The following TNFSF13B variants were observed in gnomAD, a reference collection of about 807,000 sequenced individuals.
The protein encoded by TNFSF13B is TNF superfamily member 13b, also known as tumor necrosis factor ligand superfamily member 13B.
Under a neutral mutation model 29.1 loss-of-function variants are expected in TNFSF13B, and 8 were observed. That is an observed-to-expected ratio of 0.27 (90% CI 0.16 to 0.50). The LOEUF (loss-of-function observed/expected upper bound fraction) is 0.50, where lower values mean the gene tolerates loss of function less well. Ranked by LOEUF, TNFSF13B falls within the 20% of genes least tolerant of loss-of-function variation. The pLI, the probability that TNFSF13B is intolerant of heterozygous loss-of-function variation, is 0.98. For missense variants in TNFSF13B, 248 were observed against 334.9 expected (o/e 0.74, Z 2.03); for synonymous variants, 125 against 130.8 (o/e 0.96, Z 0.30).
chr13:108,305,483 A>T (rs2139072397), intron 5 of TNFSF13B, among the ~76,000 whole-genome samples: 1 of 152,264 alleles, frequency 6.6e-6, no homozygotes, highest in Non-Finnish European at 1.5e-5. Flanking sequence ...GTTCACACCC[A>T]CCTAATCCTT....
intron 3 of TNFSF13B, among the ~76,000 whole-genome samples, chr13:108,291,466 A>G (rs1369887132): frequency 6.6e-6 from 1 of 151,898 alleles, no homozygotes; most frequent in African/African-American, 2.4e-5. Context: ...ATCATTACAA[A>G]GTGTTTTACC....
At chr13:108,298,340 T>C (rs1881513311) in intron 3 of TNFSF13B, among the ~76,000 whole-genome samples, 1 of 145,392 alleles carries the variant, frequency 6.9e-6, no homozygotes, top group Non-Finnish European at 1.5e-5. Flanking sequence ...CAGGATACAT[T>C]AAACTGATGA....
rs148456582 is a variant in TNFSF13B at position 108,284,356 on chromosome 13, G to A, written c.425-2447G>A. 4.7e-3 allele frequency among the ~76,000 whole-genome samples: 510 copies of A among 107,982 alleles called. 2 individuals carry two copies. Among genetic ancestry groups the A allele is most frequent in the African/African-American group, 0.011 (419 of 37,310 alleles). The allele number at this position is 107,982 out of a possible 152,430, so 70.8% of individuals were successfully genotyped here. On this transcript the variant is annotated intron_variant, in intron 2 of 5. Coordinates refer to ENST00000375887, the MANE Select transcript of TNFSF13B (RefSeq NM_006573.5). ...AAAATAAATAAATAAATAAATAAAT[G>A]AATAAATAAACAAACAAACAAACAA... is the stretch of plus-strand genomic sequence containing the variant.
At chr13:108,284,363 T>C (rs112584262) in intron 2 of TNFSF13B, among the ~76,000 whole-genome samples, 2,891 of 89,704 alleles carry the variant, frequency 0.032, 42 homozygotes, top group Middle Eastern at 0.047. Flanking sequence ...AATGAATAAA[T>C]AAACAAACAA....
intron 2 of TNFSF13B, among the ~76,000 whole-genome samples, chr13:108,276,544 A>G (rs1033294547): frequency 6.6e-6 from 1 of 152,200 alleles, no homozygotes; most frequent in Non-Finnish European, 1.5e-5. Context: ...AGTTGAAGAG[A>G]AACAGAAAAA....
chr13:108,282,520 A>T (rs1182778674), intron 2 of TNFSF13B, among the ~76,000 whole-genome samples: 1 of 152,186 alleles, frequency 6.6e-6, no homozygotes, highest in Non-Finnish European at 1.5e-5. Context: ...TATGGTTAGT[A>T]TTTAAATTAC....
chr13:108,271,101 G>T (rs74756604), intron 2 of TNFSF13B, among the ~76,000 whole-genome samples: 3,018 of 151,900 alleles, frequency 0.02, 58 homozygotes, highest in Middle Eastern at 0.031. Context: ...CTCATTCCAC[G>T]GAACTTTACA....
chr13:108,283,588 T>C (rs1881025391), intron 2 of TNFSF13B, among the ~76,000 whole-genome samples: 2 of 152,334 alleles, frequency 1.3e-5, no homozygotes, highest in East Asian at 3.9e-4. Context: ...TCATTACTTA[T>C]TAGGTAAACT....
chr13:108,301,721 G>A (rs1009851138), intron 3 of TNFSF13B, among the ~76,000 whole-genome samples: 1 of 152,070 alleles, frequency 6.6e-6, no homozygotes, highest in East Asian at 1.9e-4. Flanking sequence ...AAGAGATCTC[G>A]TGTACAACAT....
chr13:108,290,499 G>T (rs1881273737), intron 3 of TNFSF13B, among the ~76,000 whole-genome samples: 1 of 151,958 alleles, frequency 6.6e-6, no homozygotes, highest in South Asian at 2.1e-4. Context: ...CTCTTAATTT[G>T]CTTTCTTTCA....
chr13:108,279,603 T>C (rs1880874492), intron 2 of TNFSF13B, among the ~76,000 whole-genome samples: 1 of 152,164 alleles, frequency 6.6e-6, no homozygotes, highest in Admixed American at 6.5e-5. Context: ...GGAACTGTTT[T>C]GTATTCCAGG....
chr13:108,288,772 G>A (rs769621687), intron 3 of TNFSF13B, among the ~76,000 whole-genome samples: 7 of 152,164 alleles, frequency 4.6e-5, no homozygotes, highest in Non-Finnish European at 7.3e-5. Context: ...GCTGTGGAGG[G>A]CAGCAAAGCA....
intron 2 of TNFSF13B, among the ~76,000 whole-genome samples, chr13:108,279,583 G>A (rs1256279385): frequency 2.6e-5 from 4 of 152,142 alleles, no homozygotes; most frequent in Non-Finnish European, 5.9e-5. Flanking sequence ...TGGCTGGGCC[G>A]GGGCATGGAG....
At chr13:108,294,138 T>A (rs1202209413) in intron 3 of TNFSF13B, among the ~76,000 whole-genome samples, 2 of 152,086 alleles carry the variant, frequency 1.3e-5, no homozygotes, top group Non-Finnish European at 2.9e-5. Flanking sequence ...GAAACTTAAC[T>A]GAATTCATTG....
At chr13:108,306,650 C>T (rs1157822618) in intron 5 of TNFSF13B, among the ~76,000 whole-genome samples, 176 bp from the exon 6 acceptor site, 2 of 151,472 alleles carry the variant, frequency 1.3e-5, no homozygotes, top group African/African-American at 2.4e-5. Context: ...CTTATTTCTT[C>T]TAAATTTTTT....
chr13:108,283,199 G>A (rs929670376), intron 2 of TNFSF13B, among the ~76,000 whole-genome samples: 1 of 152,194 alleles, frequency 6.6e-6, no homozygotes, highest in Non-Finnish European at 1.5e-5. Flanking sequence ...AGCTGAAATA[G>A]TTGAAATTCG....
chr13:108,287,037 G>A (rs569426248), intron 3 of TNFSF13B, among the ~76,000 whole-genome samples, 178 bp downstream of exon 3: 7 of 147,004 alleles, frequency 4.8e-5, no homozygotes, highest in South Asian at 2.1e-4. Flanking sequence ...GCAAGCTATC[G>A]CATGTTCTCA....
chr13:108,270,954 C>T (rs1267279504), intron 2 of TNFSF13B, among the ~76,000 whole-genome samples: 1 of 152,000 alleles, frequency 6.6e-6, no homozygotes, highest in African/African-American at 2.4e-5. Flanking sequence ...TTATTTTACA[C>T]ACACACACAC....
chr13:108,306,940 C>A lies in TNFSF13B; in HGVS notation c.*2C>A. ...TTTGGTGCATTGAAACTGCTGTGAC[C>A]TACTTACACCATGTCTGTAGCTATT... On this transcript the variant is annotated 3_prime_UTR_variant, in exon 6 of 6. Transcript: ENST00000375887. 1 of 1,534,198 alleles carries A rather than the reference C, an allele frequency of 6.5e-7. No individual in the cohort carries two copies. Among genetic ancestry groups the A allele is most frequent in the Non-Finnish European group, 8.9e-7 (1 of 1,126,328 alleles).
Sources: allele counts gnomAD v4.1 joint callset (sites outside exome capture counted in the v4.1 genomes callset), GRCh38; gene constraint gnomAD v4.1.1; transcripts MANE v1.5; gene names NCBI Gene and HGNC (gene_info 2026-07-23, HGNC 2026-07-21).